The following L3MBTL4 variants were observed in gnomAD, a reference collection of about 807,000 sequenced individuals.
The protein encoded by L3MBTL4 is L3MBTL histone methyl-lysine binding protein 4, also known as lethal(3)malignant brain tumor-like protein 4.
Under a neutral mutation model 84.5 loss-of-function variants are expected in L3MBTL4, and 70 were observed. The observed-to-expected ratio is 0.83, with a 90% CI of 0.68 to 1.01. L3MBTL4 has a LOEUF of 1.01. Among genes scored for constraint, L3MBTL4 ranks in the 50% least tolerant of loss-of-function variants. The pLI is 0.00. For synonymous variants in L3MBTL4, 274 were observed against 259.8 expected, an observed-to-expected ratio of 1.05 and a Z score of -0.52; for missense variants, 715 against 754.8, an observed-to-expected ratio of 0.95 and a Z score of 0.62.
intron 10 of L3MBTL4, among the ~76,000 whole-genome samples, chr18:6,219,777 T>TC (rs1238398670): frequency 6.6e-6 from 1 of 152,016 alleles, no homozygotes; most frequent in African/African-American, 2.4e-5. Context: ...AAGGGGATTT[T>TC]CCAAACAGCT....
intron 4 of L3MBTL4, among the ~76,000 whole-genome samples, chr18:6,285,852 A>C (rs2049553430): frequency 7.7e-6 from 1 of 129,536 alleles, no homozygotes; most frequent in African/African-American, 3.3e-5. Flanking sequence ...TTATTTTCCT[A>C]AGACGAGTCT....
chr18:6,257,645 C>CTT (rs770563046), intron 5 of L3MBTL4, among the ~76,000 whole-genome samples: 308 of 127,490 alleles, frequency 2.4e-3, no homozygotes, highest in African/African-American at 8.8e-3. Context: ...TTTTCTTTTT[C>CTT]TTTTTTTTTT....
intron 16 of L3MBTL4, among the ~76,000 whole-genome samples, chr18:5,992,484 A>G (rs925335775): frequency 2.0e-5 from 3 of 152,144 alleles, no homozygotes; most frequent in African/African-American, 7.2e-5. Context: ...AGTACTTTGA[A>G]CAACTCCTGG....
At chr18:6,224,220 A>G (rs1191007408) in intron 10 of L3MBTL4, among the ~76,000 whole-genome samples, 1 of 152,242 alleles carries the variant, frequency 6.6e-6, no homozygotes, top group African/African-American at 2.4e-5. Flanking sequence ...AAGTGTAAAA[A>G]AGAAACCAAC....
chr18:6,362,882 A>G (rs574898526), intron 1 of L3MBTL4, among the ~76,000 whole-genome samples: 12 of 152,362 alleles, frequency 7.9e-5, no homozygotes, highest in African/African-American at 2.9e-4. Context: ...TTTTTCGGAG[A>G]GAAGGCTGGA....
chr18:6,136,529 G>C (rs8094714), intron 14 of L3MBTL4, among the ~76,000 whole-genome samples: 76,121 of 152,020 alleles, frequency 0.5, 20,773 homozygotes, highest in African/African-American at 0.72. Context: ...CAGATGTGGA[G>C]AGCAACCAAT....
At chr18:6,190,374 T>C (rs921332525) in intron 12 of L3MBTL4, among the ~76,000 whole-genome samples, 6 of 152,208 alleles carry the variant, frequency 3.9e-5, no homozygotes, top group Non-Finnish European at 5.9e-5. Flanking sequence ...GGTAGATACA[T>C]ATGTAAAAAT....
intron 1 of L3MBTL4, among the ~76,000 whole-genome samples, chr18:6,384,158 C>T (rs762530020): frequency 1.3e-5 from 2 of 152,152 alleles, no homozygotes; most frequent in Non-Finnish European, 2.9e-5. Flanking sequence ...GCCACTGCTG[C>T]CCTACTGTGC....
chr18:5,995,194 G>A (rs1390595035), intron 16 of L3MBTL4, among the ~76,000 whole-genome samples: 2 of 152,262 alleles, frequency 1.3e-5, no homozygotes, highest in Admixed American at 1.3e-4. Context: ...ACCACGCCAT[G>A]CAGGGATACT....
At chr18:6,324,517 C>T (rs1268321123) in intron 1 of L3MBTL4, among the ~76,000 whole-genome samples, 4 of 152,210 alleles carry the variant, frequency 2.6e-5, no homozygotes, top group African/African-American at 9.6e-5. Flanking sequence ...TCAACTCAGG[C>T]TTGTGCTATG....
chr18:6,158,398 A>T (rs2043185832), intron 13 of L3MBTL4, among the ~76,000 whole-genome samples: 1 of 152,240 alleles, frequency 6.6e-6, no homozygotes, highest in Non-Finnish European at 1.5e-5. Context: ...CTGGTAGAAG[A>T]GCAGATAGAC....
rs144522902 is a variant in L3MBTL4 at position 6,355,722 on chromosome 18, C to T, written c.-90-43666G>A. Among the ~76,000 whole-genome samples the T allele has an allele frequency of 7.9e-5, 12 of 152,236 alleles. No homozygotes were observed. The East Asian group carries it at 1.3e-3, about 17-fold the overall frequency. ...CTATCAACTGTATGTAAGTCAACCTCCTGCAATATTAAAAACCCATTAACT... is the reference window on the plus strand; with the variant it reads ...CTATCAACTGTATGTAAGTCAACCTTCTGCAATATTAAAAACCCATTAACT... On this transcript the variant is annotated intron_variant, in intron 1 of 18. Coordinates refer to ENST00000317931, the MANE Select transcript of L3MBTL4 (RefSeq NM_001330559.2).
At chr18:6,371,528 C>G (rs1327084027) in intron 1 of L3MBTL4, among the ~76,000 whole-genome samples, 2 of 152,140 alleles carry the variant, frequency 1.3e-5, no homozygotes, top group Admixed American at 1.3e-4. Context: ...TGAGGAAAGC[C>G]AACTCTGCCT....
chr18:6,213,423 GT>G (rs1341148634), intron 11 of L3MBTL4, among the ~76,000 whole-genome samples, 164 bp from the exon 12 acceptor site: 1 of 151,806 alleles, frequency 6.6e-6, no homozygotes, highest in Non-Finnish European at 1.5e-5. Context: ...GTTTTTGTTT[GT>G]TTTTTGAGAT....
intron 1 of L3MBTL4, among the ~76,000 whole-genome samples, chr18:6,379,111 C>T (rs2054493753): frequency 1.3e-5 from 2 of 152,026 alleles, no homozygotes; most frequent in Admixed American, 1.3e-4. Context: ...CATGATTTGG[C>T]TCTGTTTGTC....
intron 16 of L3MBTL4, among the ~76,000 whole-genome samples, chr18:6,011,501 TC>T (rs1297530530): frequency 1.3e-5 from 2 of 152,194 alleles, no homozygotes; most frequent in Non-Finnish European, 2.9e-5. Context: ...CGAGTAGTAT[TC>T]TGACTGAGCC....
At chr18:5,999,511 A>G (rs1460645365) in intron 16 of L3MBTL4, among the ~76,000 whole-genome samples, 2 of 152,228 alleles carry the variant, frequency 1.3e-5, no homozygotes, top group African/African-American at 4.8e-5. Flanking sequence ...GGAATGAAAG[A>G]AAAGAACATG....
chr18:5,966,627 G>A (rs930276146), intron 17 of L3MBTL4, among the ~76,000 whole-genome samples: 1 of 152,086 alleles, frequency 6.6e-6, no homozygotes, highest in Non-Finnish European at 1.5e-5. Context: ...TGTCCACTGG[G>A]ACATCTCTAT....
intron 1 of L3MBTL4, among the ~76,000 whole-genome samples, chr18:6,343,874 C>CA (rs1368304199): frequency 6.6e-6 from 1 of 150,672 alleles, no homozygotes; most frequent in African/African-American, 2.4e-5. Context: ...AAACATACAA[C>CA]ATATTAAAAC....
Sources: gnomAD v4.1 joint callset for allele counts (sites outside exome capture counted in the v4.1 genomes callset) on GRCh38, gnomAD v4.1.1 for gene constraint, MANE v1.5 for transcripts, NCBI Gene and HGNC (gene_info 2026-07-23, HGNC 2026-07-21) for gene names.